NCKAP5: variants seen among roughly 807,000 people sequenced by gnomAD.
NCKAP5 encodes nck-associated protein 5.
A neutral mutation model predicts 167.0 loss-of-function variants in NCKAP5; 92 were observed. The observed-to-expected ratio is 0.55, with a 90% CI of 0.47 to 0.66. NCKAP5 has a LOEUF of 0.66. NCKAP5 is among the 30% of genes least tolerant of loss of function. NCKAP5 has a pLI of 0.00. For synonymous variants in NCKAP5, 891 were observed against 877.4 expected, an observed-to-expected ratio of 1.02 and a Z score of -0.27; for missense variants, 2,378 against 2,315.0, an observed-to-expected ratio of 1.03 and a Z score of -0.56.
intron 6 of NCKAP5, among the ~76,000 whole-genome samples, chr2:133,085,345 G>A (rs549839318): frequency 6.6e-6 from 1 of 152,194 alleles, no homozygotes; most frequent in South Asian, 2.1e-4. Context: ...GGTCTAGGTT[G>A]ACTTTAAATT....
intron 6 of NCKAP5, among the ~76,000 whole-genome samples, chr2:133,087,334 C>CTAAAAA (rs1164629682): frequency 6.6e-6 from 1 of 152,100 alleles, no homozygotes; most frequent in African/African-American, 2.4e-5. Context: ...CCAAAAAGAA[C>CTAAAAA]AGTCTAAAAA....
At chr2:133,640,397 A>G in the NCKAP5 span, among the ~76,000 whole-genome samples, 1 of 152,210 alleles carries the variant, frequency 6.6e-6, no homozygotes, top group African/African-American at 2.4e-5. Context: ...AGGTTACCCA[A>G]GTGGGATTCA....
chr2:133,187,173 A>C (rs543355825), intron 5 of NCKAP5, among the ~76,000 whole-genome samples: 1 of 152,118 alleles, frequency 6.6e-6, no homozygotes, highest in East Asian at 1.9e-4. Context: ...ATTAATTTTA[A>C]ATAAAGTTTT....
the NCKAP5 span, among the ~76,000 whole-genome samples, chr2:133,633,287 C>G: frequency 6.6e-6 from 1 of 152,208 alleles, no homozygotes; most frequent in Admixed American, 6.5e-5. Flanking sequence ...CTTTGTCAAT[C>G]AACTATGGTG....
intron 5 of NCKAP5, among the ~76,000 whole-genome samples, chr2:133,184,780 T>G (rs1432811169): frequency 2.0e-5 from 3 of 152,198 alleles, no homozygotes; most frequent in Non-Finnish European, 1.5e-5. Context: ...GAAGTGTCTA[T>G]TCATGTTCTT....
intron 11 of NCKAP5, among the ~76,000 whole-genome samples, chr2:132,820,518 G>A (rs1007755701): frequency 1.3e-5 from 2 of 151,916 alleles, no homozygotes; most frequent in African/African-American, 2.4e-5. Context: ...GTGAGCCACC[G>A]AGCCCAGCCA....
chr2:133,582,750 T>A, the NCKAP5 span, among the ~76,000 whole-genome samples: 4 of 152,228 alleles, frequency 2.6e-5, no homozygotes, highest in Non-Finnish European at 5.9e-5. Context: ...CACCCTTTGT[T>A]ATAGTGAATA....
At chr2:133,498,241 A>T (rs955218068) in intron 3 of NCKAP5, among the ~76,000 whole-genome samples, 3 of 152,138 alleles carry the variant, frequency 2.0e-5, no homozygotes, top group Non-Finnish European at 4.4e-5. Context: ...ATCATTCAGA[A>T]GTTAGGGTCA....
intron 16 of NCKAP5, among the ~76,000 whole-genome samples, chr2:132,737,373 A>T (rs965154508): frequency 1.3e-5 from 2 of 152,200 alleles, no homozygotes; most frequent in Non-Finnish European, 2.9e-5. Flanking sequence ...ACTTTCTACA[A>T]GGCTCTCCTT....
intron 11 of NCKAP5, among the ~76,000 whole-genome samples, chr2:132,841,274 T>C (rs1285719881): frequency 2.6e-5 from 4 of 152,140 alleles, no homozygotes; most frequent in African/African-American, 9.6e-5. Flanking sequence ...TATTTCTAAA[T>C]ATATTATAAT....
intron 6 of NCKAP5, among the ~76,000 whole-genome samples, chr2:133,032,244 G>A (rs559311077): frequency 6.6e-6 from 1 of 152,276 alleles, no homozygotes; most frequent in African/African-American, 2.4e-5. Context: ...TGCCCTGAAG[G>A]GTAAGTCCCA....
intron 15 of NCKAP5, among the ~76,000 whole-genome samples, chr2:132,775,818 T>G (rs1254974674): frequency 6.6e-6 from 1 of 152,190 alleles, no homozygotes; most frequent in Non-Finnish European, 1.5e-5. Context: ...TCATATCAGC[T>G]CTTATGGCAA....
chr2:132,926,931 C>T lies in NCKAP5; in HGVS notation c.579+36789G>A, dbSNP rs543687976. Among the ~76,000 whole-genome samples the T allele has an allele frequency of 3.3e-5, 5 of 152,214 alleles. No homozygotes were observed. In the South Asian group the frequency reaches 6.2e-4, roughly 19 times the overall value. ...TTGCTTGTGATTTTGAGGTCTTAAT[C>T]GAGAATTATTTGAGTAGACCAATGT... On this transcript the variant is annotated intron_variant, in intron 8 of 19. Transcript: ENST00000409261.
chr2:133,120,144 C>T (rs973268093), intron 6 of NCKAP5, among the ~76,000 whole-genome samples: 4 of 152,126 alleles, frequency 2.6e-5, no homozygotes, highest in Non-Finnish European at 5.9e-5. Context: ...CAGGTGAAAA[C>T]CTTTGGTCAG....
At chr2:133,395,100 G>C (rs1156817821) in intron 3 of NCKAP5, among the ~76,000 whole-genome samples, 1 of 152,172 alleles carries the variant, frequency 6.6e-6, no homozygotes, top group African/African-American at 2.4e-5. Context: ...TCTAGGAAAA[G>C]CATTTCTTAT....
At chr2:133,243,304 T>C (rs79922651) in intron 4 of NCKAP5, among the ~76,000 whole-genome samples, 3,942 of 152,274 alleles carry the variant, frequency 0.026, 84 homozygotes, top group South Asian at 0.048. Context: ...GGATGTATGA[T>C]GAGATTCTCA....
chr2:133,133,852 GCT>G (rs2082693582), intron 5 of NCKAP5, among the ~76,000 whole-genome samples: 1 of 152,306 alleles, frequency 6.6e-6, no homozygotes, highest in Admixed American at 6.5e-5. Flanking sequence ...CAGGAAGCTT[GCT>G]CTGTTTCCAT....
chr2:133,203,756 A>G (rs1262710161), intron 5 of NCKAP5, among the ~76,000 whole-genome samples: 2 of 152,190 alleles, frequency 1.3e-5, no homozygotes, highest in Non-Finnish European at 1.5e-5. Context: ...CAAAAAGAAT[A>G]CGATCTTTGG....
At chr2:133,402,047 T>G (rs1037100757) in intron 3 of NCKAP5, among the ~76,000 whole-genome samples, 6 of 152,214 alleles carry the variant, frequency 3.9e-5, no homozygotes, top group African/African-American at 1.4e-4. Context: ...GTCAGCGTCA[T>G]CAAGGAAGCT....
Sources: allele counts gnomAD v4.1 joint callset (sites outside exome capture counted in the v4.1 genomes callset), GRCh38; gene constraint gnomAD v4.1.1; transcripts MANE v1.5; gene names NCBI Gene and HGNC (gene_info 2026-07-23, HGNC 2026-07-21).